The following GRIK4 variants were observed in gnomAD, a reference collection of about 807,000 sequenced individuals.
GRIK4 encodes glutamate receptor ionotropic, kainate 4.
In GRIK4, 40 loss-of-function variants were observed where a neutral mutation model predicts 104.9. That is an observed-to-expected ratio of 0.38 (90% CI 0.30 to 0.50). The LOEUF (loss-of-function observed/expected upper bound fraction) is 0.50. GRIK4 is among the 20% of genes least tolerant of loss of function. The pLI is 0.93. For missense variants in GRIK4, 1,047 were observed against 1,308.1 expected (o/e 0.80, Z 3.08); for synonymous variants, 485 against 524.9 (o/e 0.92, Z 1.04).
intron 2 of GRIK4, among the ~76,000 whole-genome samples, chr11:120,659,038 A>G (rs1246215020): frequency 1.3e-5 from 2 of 152,148 alleles, no homozygotes; most frequent in East Asian, 3.9e-4. Flanking sequence ...GTGAGTCTGT[A>G]TTAAAATTAA....
At chr11:120,840,154 A>G (rs1410849510) in intron 8 of GRIK4, among the ~76,000 whole-genome samples, 2 of 152,186 alleles carry the variant, frequency 1.3e-5, no homozygotes, top group Non-Finnish European at 2.9e-5. Context: ...ACAGGGTGAC[A>G]GTGAGGTGTC....
chr11:120,768,714 C>T (rs1951885314), intron 3 of GRIK4, among the ~76,000 whole-genome samples: 1 of 152,090 alleles, frequency 6.6e-6, no homozygotes, highest in Admixed American at 6.5e-5. Context: ...AGGAATTTTT[C>T]TTCTATACCT....
intron 3 of GRIK4, among the ~76,000 whole-genome samples, chr11:120,730,126 G>T (rs115203293): frequency 0.016 from 2,362 of 152,172 alleles, 50 homozygotes; most frequent in African/African-American, 0.053. Context: ...AGGCTGAGGT[G>T]GGTGTACCAC....
At chr11:120,958,497 A>C (rs1360429909) in intron 16 of GRIK4, among the ~76,000 whole-genome samples, 5 of 152,206 alleles carry the variant, frequency 3.3e-5, no homozygotes, top group African/African-American at 1.2e-4. Flanking sequence ...CGTTCCATGG[A>C]GGAGTGGGAG....
chr11:120,863,390 G>A (rs1954312696), intron 9 of GRIK4, among the ~76,000 whole-genome samples: 1 of 152,216 alleles, frequency 6.6e-6, no homozygotes. Context: ...GCCTAGGAGT[G>A]TAGTAGGCTA....
At chr11:120,785,815 C>A (rs1228584851) in intron 3 of GRIK4, among the ~76,000 whole-genome samples, 2 of 152,322 alleles carry the variant, frequency 1.3e-5, no homozygotes, top group South Asian at 4.2e-4. Flanking sequence ...CGTCTCCATG[C>A]GCATCCTCCT....
chr11:120,978,071 G>C (rs563152406), intron 19 of GRIK4, among the ~76,000 whole-genome samples: 1 of 152,282 alleles, frequency 6.6e-6, no homozygotes, highest in South Asian at 2.1e-4. Flanking sequence ...TGGTAATGCA[G>C]CCCTCTGCAT....
chr11:120,652,202 A>G (rs1429886693), intron 1 of GRIK4, among the ~76,000 whole-genome samples: 4 of 152,222 alleles, frequency 2.6e-5, no homozygotes, highest in African/African-American at 9.7e-5. Context: ...TAAAGATTAT[A>G]TTATCATAGA....
intron 8 of GRIK4, among the ~76,000 whole-genome samples, chr11:120,851,210 C>A (rs1459470149): frequency 6.6e-6 from 1 of 152,174 alleles, no homozygotes; most frequent in East Asian, 1.9e-4. Flanking sequence ...AACTCCTTAA[C>A]ATAACTCCTG....
chr11:120,890,553 G>A lies in GRIK4; in HGVS notation c.1165-7979G>A, dbSNP rs187187424. 2.1e-3 allele frequency among the ~76,000 whole-genome samples: 319 copies of A among 152,342 alleles called. 1 individual carries two copies. The highest frequency in any genetic ancestry group is 6.9e-3 in the African/African-American group (287 of 41,578). On this transcript the variant is annotated intron_variant, in intron 11 of 20. Transcript: ENST00000527524. The stretch of plus-strand genomic sequence containing the variant: ...CAACCAGATGGTATAGTAATAAATA[G>A]AACCTAAGTTCCAATCTCAGTTTAA...
intron 8 of GRIK4, among the ~76,000 whole-genome samples, chr11:120,848,609 C>G (rs1953904228): frequency 6.6e-6 from 1 of 152,176 alleles, no homozygotes. Flanking sequence ...GTCCCTTCAT[C>G]TGCTCTCCAC....
intron 3 of GRIK4, among the ~76,000 whole-genome samples, chr11:120,769,102 A>G (rs1381781209): frequency 6.6e-6 from 1 of 152,156 alleles, no homozygotes; most frequent in Non-Finnish European, 1.5e-5. Context: ...GAAGAGTTTA[A>G]GAAGCCCTGG....
intron 3 of GRIK4, among the ~76,000 whole-genome samples, chr11:120,796,694 T>C (rs906988347): frequency 6.6e-6 from 1 of 151,972 alleles, no homozygotes; most frequent in Non-Finnish European, 1.5e-5. Flanking sequence ...TCTGTCACCT[T>C]GTTGGGGGTG....
intron 1 of GRIK4, among the ~76,000 whole-genome samples, chr11:120,522,065 G>T (rs1302643299): frequency 2.0e-5 from 3 of 152,172 alleles, no homozygotes; most frequent in African/African-American, 7.2e-5. Flanking sequence ...AACCACAGAG[G>T]TTATGTAGCT....
At chr11:120,849,044 C>G (rs1027505354) in intron 8 of GRIK4, among the ~76,000 whole-genome samples, 1 of 152,138 alleles carries the variant, frequency 6.6e-6, no homozygotes, top group Non-Finnish European at 1.5e-5. Context: ...TGATGTTTGA[C>G]AAATAGCATG....
At chr11:120,699,226 C>A (rs1029196574) in intron 3 of GRIK4, among the ~76,000 whole-genome samples, 1 of 152,104 alleles carries the variant, frequency 6.6e-6, no homozygotes, top group Non-Finnish European at 1.5e-5. Context: ...TGGTGGCTCG[C>A]GGTCCCAGCA....
intron 8 of GRIK4, among the ~76,000 whole-genome samples, chr11:120,841,507 G>T (rs1394741705): frequency 1.3e-5 from 2 of 152,070 alleles, no homozygotes; most frequent in South Asian, 4.1e-4. Context: ...TTGTGTATCC[G>T]TTCATTCATC....
chr11:120,572,714 C>A (rs1454253651), intron 1 of GRIK4, among the ~76,000 whole-genome samples: 1 of 152,214 alleles, frequency 6.6e-6, no homozygotes, highest in Non-Finnish European at 1.5e-5. Context: ...TTCCCAAGCC[C>A]TGCTTTAGCC....
At chr11:120,650,870 C>A (rs1404033640) in intron 1 of GRIK4, among the ~76,000 whole-genome samples, 1 of 152,234 alleles carries the variant, frequency 6.6e-6, no homozygotes, top group African/African-American at 2.4e-5. Context: ...ATTCTACTTC[C>A]ATGATCTCAT....
Sources: allele counts gnomAD v4.1 joint callset (sites outside exome capture counted in the v4.1 genomes callset), GRCh38; gene constraint gnomAD v4.1.1; transcripts MANE v1.5; gene names NCBI Gene and HGNC (gene_info 2026-07-23, HGNC 2026-07-21).